Variants in TENM4 observed in about 807,000 individuals in gnomAD.
TENM4 encodes teneurin-4.
TENM4 carries 82 observed loss-of-function variants against 243.3 expected under a neutral mutation model. The observed-to-expected ratio is 0.34, with a 90% CI of 0.28 to 0.40. The LOEUF is 0.40. Ranked by LOEUF, TENM4 falls within the 10% of genes least tolerant of loss-of-function variation. TENM4 has a pLI of 1.00. For missense variants in TENM4, 3,138 were observed against 3,673.3 expected (o/e 0.85, Z 3.77); for synonymous variants, 1,412 against 1,456.3 (o/e 0.97, Z 0.69).
intron 7 of TENM4, among the ~76,000 whole-genome samples, chr11:78,893,780 T>TACACAC (rs368536086): frequency 7.7e-5 from 11 of 142,756 alleles, no homozygotes; most frequent in South Asian, 4.4e-4. Flanking sequence ...GGACTTCACA[T>TACACAC]ACACACACAC....
At chr11:78,992,650 G>C (rs1858074818) in intron 6 of TENM4, among the ~76,000 whole-genome samples, 1 of 152,192 alleles carries the variant, frequency 6.6e-6, no homozygotes, top group Non-Finnish European at 1.5e-5. Context: ...AAATAGCATG[G>C]ACAAAAGAAA....
chr11:79,012,724 C>T (rs1858676944), intron 6 of TENM4, among the ~76,000 whole-genome samples: 2 of 152,174 alleles, frequency 1.3e-5, no homozygotes, highest in South Asian at 2.1e-4. Flanking sequence ...GGGGTAGGTG[C>T]TCACTGGCCA....
intron 12 of TENM4, among the ~76,000 whole-genome samples, chr11:78,850,008 T>C (rs555514846): frequency 6.6e-6 from 1 of 152,332 alleles, no homozygotes; most frequent in East Asian, 1.9e-4. Flanking sequence ...AAGCCTGTTG[T>C]TTCTGAAAAA....
At chr11:78,879,387 C>T (rs1859362489) in intron 9 of TENM4, among the ~76,000 whole-genome samples, 2 of 152,094 alleles carry the variant, frequency 1.3e-5, no homozygotes, top group African/African-American at 4.8e-5. Flanking sequence ...TGCCTGGCAG[C>T]CGCCCTGTCT....
intron 4 of TENM4, among the ~76,000 whole-genome samples, chr11:79,101,543 A>T (rs1480544415): frequency 1.3e-5 from 2 of 152,172 alleles, no homozygotes; most frequent in Non-Finnish European, 2.9e-5. Flanking sequence ...GAATTAAGAA[A>T]CCGTTGCGTC....
chr11:78,960,085 G>A (rs1000080896), intron 6 of TENM4, among the ~76,000 whole-genome samples: 16 of 152,118 alleles, frequency 1.1e-4, no homozygotes, highest in Admixed American at 6.5e-5. Flanking sequence ...TAGAAAGACA[G>A]TGATTTGCCA....
At position 78,840,336 on chromosome 11, in the gene TENM4, TA is replaced by T. The variant is rs371314750; in HGVS notation, c.1681+13767del. Among the ~76,000 whole-genome samples the T allele has an allele frequency of 6.4e-3, 954 of 148,008 alleles. 8 individuals carry two copies. The highest frequency in any genetic ancestry group is 0.022 in the African/African-American group (901 of 40,462). ...TCTTGGCCTATGACACAAATGAAAA[TA>T]AAAAAAAAATCAGGCTGACATGTAA... On this transcript the variant is annotated intron_variant, in intron 12 of 33. Coordinates refer to ENST00000278550, the MANE Select transcript of TENM4 (RefSeq NM_001098816.3).
chr11:79,167,551 AG>A (rs1862941423), intron 3 of TENM4, among the ~76,000 whole-genome samples: 1 of 152,250 alleles, frequency 6.6e-6, no homozygotes, highest in Admixed American at 6.5e-5. Flanking sequence ...CTGCCTAGCC[AG>A]GAGCAGCAGA....
intron 25 of TENM4, among the ~76,000 whole-genome samples, chr11:78,716,479 T>C (rs1373902488): frequency 6.6e-6 from 1 of 152,230 alleles, no homozygotes; most frequent in African/African-American, 2.4e-5. Flanking sequence ...TCTCTGCGGC[T>C]TTGAACTGGG....
At position 78,702,040 on chromosome 11, in the gene TENM4, A is replaced by G; in HGVS notation, c.4573T>C (p.Ser1525Pro). The G allele has an allele frequency of 6.2e-7, 1 of 1,613,864 alleles. No homozygotes were observed. The highest frequency in any genetic ancestry group is 8.5e-7 in the Non-Finnish European group (1 of 1,179,776). The change falls in exon 28 of 34, where the codon TCT becomes CCT. Residue 1525 changes from serine to proline, a missense_variant. Ser to Pro is a moderately conservative substitution (Grantham distance 74). This residue lies in a region of TENM4 where 2,467 missense variants were observed against 3,059.1 expected (regional missense o/e 0.81). Coordinates refer to ENST00000278550, the MANE Select transcript of TENM4 (RefSeq NM_001098816.3). ...TCCTTGGCATAACCATCGTCTCCAG[A>G]AAAACAATCACAGTTGGCATCATTT... ...CKNDANCDCF[S>P]GDDGYAKDAK...
intron 28 of TENM4, among the ~76,000 whole-genome samples, chr11:78,696,825 A>G (rs1183210707): frequency 1.3e-5 from 2 of 151,738 alleles, no homozygotes; most frequent in African/African-American, 2.4e-5. Flanking sequence ...GTGGTGGCAA[A>G]GCCTTTGCTA....
In TENM4 at chr11:78,654,642, C is replaced by T. The variant is rs1857846800; in HGVS notation, c.*3416G>A. On this transcript the variant is annotated 3_prime_UTR_variant, in exon 34 of 34. Coordinates refer to ENST00000278550, the MANE Select transcript of TENM4 (RefSeq NM_001098816.3). ...CAGTCAGTTTCTTAGGGATCGTTTCCAATCCTCTCTCCCTAAGTAGAAATC... is the reference window on the plus strand; with the variant it reads ...CAGTCAGTTTCTTAGGGATCGTTTCTAATCCTCTCTCCCTAAGTAGAAATC... The T allele has an allele frequency of 6.6e-6, 1 of 152,096 alleles. No individual in the cohort carries two copies. Among genetic ancestry groups the T allele is most frequent in the East Asian group, 1.9e-4 (1 of 5,188 alleles). 9.4% of individuals were successfully genotyped at this position (152,096 alleles called of 1,614,324 possible). A position where few individuals can be genotyped will look rare whatever the true frequency, so the allele number is the denominator to read the frequency against.
chr11:78,835,435 G>A (rs1858081476), intron 12 of TENM4, among the ~76,000 whole-genome samples: 1 of 152,194 alleles, frequency 6.6e-6, no homozygotes, highest in Admixed American at 6.5e-5. Context: ...GAACTGGGGA[G>A]GCAGAGGTTG....
At chr11:78,724,470 TA>T in intron 23 of TENM4, among the ~76,000 whole-genome samples, 1 of 152,370 alleles carries the variant, frequency 6.6e-6, no homozygotes, top group East Asian at 1.9e-4. Context: ...GAATTTACTT[TA>T]TATATAGTGT....
At chr11:78,717,831 A>C (rs1859557009) in intron 25 of TENM4, among the ~76,000 whole-genome samples, 1 of 152,206 alleles carries the variant, frequency 6.6e-6, no homozygotes, top group Non-Finnish European at 1.5e-5. Flanking sequence ...ACTGGAGTTC[A>C]AATGTACTTC....
chr11:78,700,168 G>A (rs532744557), intron 28 of TENM4, among the ~76,000 whole-genome samples: 1 of 152,296 alleles, frequency 6.6e-6, no homozygotes, highest in African/African-American at 2.4e-5. Context: ...TCAAGCTTGA[G>A]AAAAACTTTA....
intron 12 of TENM4, among the ~76,000 whole-genome samples, chr11:78,828,155 C>T (rs1323185003): frequency 6.6e-6 from 1 of 152,192 alleles, no homozygotes; most frequent in Non-Finnish European, 1.5e-5. Context: ...GCTGGGCTCT[C>T]TCTGTGGAGA....
At chr11:79,188,187 C>A (rs1267222145) in intron 3 of TENM4, among the ~76,000 whole-genome samples, 3 of 152,236 alleles carry the variant, frequency 2.0e-5, no homozygotes, top group East Asian at 3.9e-4. Flanking sequence ...ATTTTAAAGT[C>A]AATTGTAGAT....
intron 12 of TENM4, among the ~76,000 whole-genome samples, chr11:78,836,499 A>G (rs866355358): frequency 4.6e-5 from 7 of 152,104 alleles, no homozygotes; most frequent in African/African-American, 1.2e-4. Flanking sequence ...AAAAGAAAAA[A>G]TGGTATGTCA....
Sources: gnomAD v4.1 joint callset for allele counts (sites outside exome capture counted in the v4.1 genomes callset) on GRCh38, gnomAD v4.1.1 for gene constraint, gnomAD v4.1.1 regional missense constraint, MANE v1.5 for transcripts, NCBI Gene and HGNC (gene_info 2026-07-23, HGNC 2026-07-21) for gene names.